The following SFMBT2 variants were observed in gnomAD, a reference collection of about 807,000 sequenced individuals.
SFMBT2 encodes the protein Scm like with four mbt domains 2, also known as scm-like with four MBT domains protein 2.
A neutral mutation model predicts 110.1 loss-of-function variants in SFMBT2; 38 were observed. The ratio of observed to expected loss-of-function variants is 0.35; its 90% CI spans 0.27 to 0.45. SFMBT2 has a LOEUF of 0.45. Among genes scored for constraint, SFMBT2 ranks in the 20% least tolerant of loss-of-function variants. The pLI, the probability that SFMBT2 is intolerant of heterozygous loss-of-function variation, is 1.00. For synonymous variants in SFMBT2, 425 were observed against 425.4 expected, an observed-to-expected ratio of 1.00 and a Z score of 0.01; for missense variants, 1,011 against 1,094.9, an observed-to-expected ratio of 0.92 and a Z score of 1.08.
chr10:7,251,187 A>C (rs2131739990), intron 7 of SFMBT2, among the ~76,000 whole-genome samples: 1 of 150,830 alleles, frequency 6.6e-6, no homozygotes, highest in Admixed American at 6.6e-5. Context: ...AAAAAAGATT[A>C]AAAGTGGGCT....
At chr10:7,283,784 T>C in intron 6 of SFMBT2, 120 bp downstream of exon 6, 1 of 772,424 alleles carries the variant, frequency 1.3e-6, no homozygotes, top group Non-Finnish European at 2.2e-6. Context: ...AAGTGCTTAA[T>C]ATTCACATAC....
chr10:7,206,499 G>C (rs1339261017), intron 11 of SFMBT2: 1 of 985,246 alleles, frequency 1.0e-6, no homozygotes, highest in Admixed American at 6.1e-5. Context: ...TAGGAAACCT[G>C]ACAACTTATC....
At chr10:7,386,308 G>GA (rs1436342566) in intron 1 of SFMBT2, among the ~76,000 whole-genome samples, 1 of 152,140 alleles carries the variant, frequency 6.6e-6, no homozygotes, top group Non-Finnish European at 1.5e-5. Context: ...TTATGGTGGG[G>GA]AAAAAATTAA....
chr10:7,171,959 G>T lies in SFMBT2; in HGVS notation c.2351C>A (p.Ala784Glu). 1 of 1,480,912 alleles carries T rather than the reference G, an allele frequency of 6.8e-7. No individual in the cohort carries two copies. 91.7% of individuals were successfully genotyped at this position (1,480,912 alleles called of 1,614,324 possible). A position where few individuals can be genotyped will look rare whatever the true frequency, so the allele number is the denominator to read the frequency against. The change falls in exon 19 of 21, where the codon GCG becomes GAG. Residue 784 changes from alanine to glutamate, a missense_variant. Ala to Glu is a moderately radical substitution (Grantham distance 107, BLOSUM62 -1). Around this residue, in one of 2 missense-constraint regions of SFMBT2, gnomAD observed 979 missense variants for 1,016.1 expected, o/e 0.96. Coordinates refer to ENST00000397167, the MANE Select transcript of SFMBT2 (RefSeq NM_001387889.1). This position sits in a 1 kb window ranked among gnomAD's most constrained non-coding sequence, Gnocchi z 4.9. ...TTCCTCTGCTGAGGAGGCAGCCGGC[G>T]CCCCGCGGCCCCTTCGTGTCCTCTC... ...PPERTRRGRG[A>E]PAASSAEEGE... is the part of the protein sequence containing the mutation.
intron 11 of SFMBT2, among the ~76,000 whole-genome samples, chr10:7,216,059 T>A (rs1026065482): frequency 1.3e-5 from 2 of 152,194 alleles, no homozygotes; most frequent in Admixed American, 6.5e-5. Flanking sequence ...AGTAACACCA[T>A]GATTGCCATT....
intron 1 of SFMBT2, among the ~76,000 whole-genome samples, chr10:7,402,939 G>C (rs1846118339): frequency 6.6e-6 from 1 of 152,158 alleles, no homozygotes; most frequent in Non-Finnish European, 1.5e-5. Flanking sequence ...TCTCCCAAAG[G>C]CTTTTATTTA....
At chr10:7,169,039 T>C (rs1837787643) in intron 20 of SFMBT2, among the ~76,000 whole-genome samples, 1 of 152,200 alleles carries the variant, frequency 6.6e-6, no homozygotes, top group Non-Finnish European at 1.5e-5. Context: ...CTCGGCTCAC[T>C]GCTACCTCTC....
intron 7 of SFMBT2, among the ~76,000 whole-genome samples, chr10:7,272,804 T>G (rs916881161): frequency 1.3e-5 from 2 of 152,168 alleles, no homozygotes; most frequent in Non-Finnish European, 2.9e-5. Flanking sequence ...CCCTCTTTCA[T>G]TTTTTTGAGA....
intron 7 of SFMBT2, among the ~76,000 whole-genome samples, chr10:7,270,489 ACCT>A (rs1424752364): frequency 6.6e-6 from 1 of 152,076 alleles, no homozygotes; most frequent in Non-Finnish European, 1.5e-5. Flanking sequence ...TAGTTAAGAA[ACCT>A]CCTGTGTCTC....
At chr10:7,221,420 G>C (rs11255044) in intron 10 of SFMBT2, among the ~76,000 whole-genome samples, 38,304 of 151,756 alleles carry the variant, frequency 0.25, 5,196 homozygotes, top group South Asian at 0.4. Context: ...ACAAAAATTA[G>C]CTGAGCATGG....
At position 7,367,505 on chromosome 10, in the gene SFMBT2, G is replaced by A. The variant is rs1844945139; in HGVS notation, c.436+144C>T. 1.2e-5 allele frequency: 16 copies of A among 1,370,608 alleles called. No individual in the cohort carries two copies. In the South Asian group the frequency reaches 2.4e-4, roughly 21 times the overall value. 84.9% of individuals were successfully genotyped at this position (1,370,608 alleles called of 1,614,324 possible). ...GATCTCCCTCCAGCTAAGGAAACCT[G>A]AGAAACCACTCTGAAAGAACTGTGA... On this transcript the variant is annotated intron_variant, in intron 4 of 20. Coordinates refer to ENST00000397167, the MANE Select transcript of SFMBT2 (RefSeq NM_001387889.1). The surrounding 1 kb of genome is among the most constrained non-coding windows in gnomAD (Gnocchi z 6.2).
chr10:7,167,830 C>G (rs1837737076), intron 20 of SFMBT2, among the ~76,000 whole-genome samples: 1 of 152,136 alleles, frequency 6.6e-6, no homozygotes, highest in South Asian at 2.1e-4. Flanking sequence ...CTATTTTTCT[C>G]TCTCGTAAGA....
intron 10 of SFMBT2, 85 bp downstream of exon 10, chr10:7,227,770 C>G: frequency 8.5e-7 from 1 of 1,176,752 alleles, no homozygotes; most frequent in Non-Finnish European, 1.2e-6. Context: ...TCCAACCGTG[C>G]TTCATCAATA....
chr10:7,235,832 A>G (rs1446258520), intron 9 of SFMBT2, among the ~76,000 whole-genome samples: 3 of 152,244 alleles, frequency 2.0e-5, no homozygotes, highest in Admixed American at 6.5e-5. Context: ...CTGAAAATAC[A>G]GCTGAAACAG....
In SFMBT2 at chr10:7,349,440, C is replaced by CTTTTTTTTT. The variant is rs369479041; in HGVS notation, c.436+18200_436+18208dup. Among the ~76,000 whole-genome samples the CTTTTTTTTT allele has an allele frequency of 8.4e-3, 392 of 46,872 alleles. 71 individuals carry two copies. Among genetic ancestry groups the CTTTTTTTTT allele is most frequent in the Middle Eastern group, 0.036 (1 of 28 alleles). The allele number at this position is 46,872 out of a possible 152,430, so 30.7% of individuals were successfully genotyped here. A position where few individuals can be genotyped will look rare whatever the true frequency, so the allele number is the denominator to read the frequency against. ...CCCTGACTCTTTTTTCTTTTCTTTT[C>CTTTTTTTTT]TTTTTTTTTTTTTTTTTTTTTTTTT... is the stretch of plus-strand genomic sequence containing the variant. On this transcript the variant is annotated intron_variant, in intron 4 of 20. Transcript: ENST00000397167.
chr10:7,215,187 G>A (rs904578390), intron 11 of SFMBT2, among the ~76,000 whole-genome samples: 1 of 152,188 alleles, frequency 6.6e-6, no homozygotes, highest in Non-Finnish European at 1.5e-5. Context: ...GATCACTTGA[G>A]CCCAGGAGTT....
intron 7 of SFMBT2, among the ~76,000 whole-genome samples, chr10:7,276,185 G>C (rs190676173): frequency 2.6e-5 from 4 of 152,186 alleles, no homozygotes; most frequent in Non-Finnish European, 4.4e-5. Flanking sequence ...TTTCACGGGA[G>C]CACCTGGTGG....
chr10:7,203,819 G>T, intron 12 of SFMBT2: 2 of 206,834 alleles, frequency 9.7e-6, no homozygotes, highest in Non-Finnish European at 1.7e-5. Context: ...GGATTCAAGC[G>T]ATTTTCGTGC....
intron 12 of SFMBT2, chr10:7,203,688 T>C: frequency 4.1e-6 from 4 of 984,868 alleles, no homozygotes; most frequent in South Asian, 4.7e-5. Context: ...CTATTGGCCA[T>C]GCTGGCTGAG....
Sources: allele counts gnomAD v4.1 joint callset (sites outside exome capture counted in the v4.1 genomes callset), GRCh38; gene constraint gnomAD v4.1.1; regional missense constraint gnomAD v4.1.1; non-coding constraint Gnocchi (gnomAD v3.1); transcripts MANE v1.5; gene names NCBI Gene and HGNC (gene_info 2026-07-23, HGNC 2026-07-21).